TMTC2: variants seen among roughly 807,000 people sequenced by gnomAD.
The protein encoded by TMTC2 is transmembrane O-mannosyltransferase targeting cadherins 2, also known as protein O-mannosyl-transferase TMTC2.
A neutral mutation model predicts 82.4 loss-of-function variants in TMTC2; 43 were observed. The ratio of observed to expected loss-of-function variants is 0.52; its 90% CI spans 0.41 to 0.67. TMTC2 has a LOEUF of 0.67. Ranked by LOEUF, TMTC2 falls within the 30% of genes least tolerant of loss-of-function variation. The pLI is 0.00. For synonymous variants in TMTC2, 408 were observed against 381.9 expected, an observed-to-expected ratio of 1.07 and a Z score of -0.80; for missense variants, 919 against 1,012.4, an observed-to-expected ratio of 0.91 and a Z score of 1.25.
At chr12:82,956,407 A>G (rs1877618535) in intron 4 of TMTC2, among the ~76,000 whole-genome samples, 1 of 152,120 alleles carries the variant, frequency 6.6e-6, no homozygotes, top group South Asian at 2.1e-4. Context: ...CAGACAGAAA[A>G]CAAAAAAGAG....
chr12:82,991,858 C>A (rs1418350560), intron 8 of TMTC2, among the ~76,000 whole-genome samples: 1 of 152,168 alleles, frequency 6.6e-6, no homozygotes, highest in Non-Finnish European at 1.5e-5. Context: ...GTTGTGTGCG[C>A]ATGCTTACTT....
rs149658948 is a variant in TMTC2, at chr12:83,124,226, C to T, written c.2332-7984C>T. Among the ~76,000 whole-genome samples the T allele has an allele frequency of 6.2e-4, 94 of 152,296 alleles. 2 individuals carry two copies. The East Asian group carries it at 0.013, about 22-fold the overall frequency. On this transcript the variant is annotated intron_variant, in intron 11 of 11. Transcript: ENST00000321196. Reference sequence around the variant, plus strand: ...TGTTCACTGCGTATCCATTGTCTGGCCGAGCACATATAATAAGTGGTCAAT... The same window carrying T: ...TGTTCACTGCGTATCCATTGTCTGGTCGAGCACATATAATAAGTGGTCAAT...
chr12:82,735,642 GC>G (rs1875075554), intron 1 of TMTC2, among the ~76,000 whole-genome samples: 1 of 142,178 alleles, frequency 7.0e-6, no homozygotes, highest in Non-Finnish European at 1.5e-5. Context: ...ACCGCACCCA[GC>G]CCCCCTAATT....
intron 8 of TMTC2, among the ~76,000 whole-genome samples, chr12:83,017,813 GAAA>G (rs5799609): frequency 7.0e-6 from 1 of 142,498 alleles, no homozygotes. Context: ...ATTTATAACT[GAAA>G]AAAAAAAAAA....
intron 1 of TMTC2, among the ~76,000 whole-genome samples, chr12:82,691,019 G>A (rs540184178): frequency 2.0e-5 from 3 of 152,138 alleles, no homozygotes; most frequent in East Asian, 3.9e-4. Context: ...AGCAGACAAA[G>A]GTAAACAAAC....
chr12:82,798,204 C>T lies in TMTC2; in HGVS notation c.84-58806C>T, dbSNP rs535696852. Among the ~76,000 whole-genome samples the T allele has an allele frequency of 3.6e-4, 54 of 150,384 alleles. 1 individual carries two copies. Among genetic ancestry groups the T allele is most frequent in the Non-Finnish European group, 6.7e-4 (45 of 67,548 alleles). On this transcript the variant is annotated intron_variant, in intron 1 of 11. Coordinates refer to ENST00000321196, the MANE Select transcript of TMTC2 (RefSeq NM_152588.3). ...TCTCCTGACCTCGTGATCCACCTGC[C>T]TCAGCCTCCCAAAGTGCTGGGATTA...
intron 4 of TMTC2, among the ~76,000 whole-genome samples, chr12:82,955,817 G>A (rs187888135): frequency 1.1e-3 from 169 of 152,058 alleles, no homozygotes; most frequent in African/African-American, 4.0e-3. Context: ...CATTAGAGGA[G>A]AAATCTGAGA....
intron 1 of TMTC2, among the ~76,000 whole-genome samples, chr12:82,845,866 T>C (rs998257319): frequency 6.6e-6 from 1 of 152,008 alleles, no homozygotes. Flanking sequence ...TCTAGGTAAC[T>C]CAAGTTTTAA....
Position 82,900,887 on chromosome 12 carries a change from A to G in TMTC2, c.1483+4241A>G, listed in dbSNP as rs571252611. Among the ~76,000 whole-genome samples, 147 of 124,834 alleles carry G rather than the reference A, an allele frequency of 1.2e-3. 2 individuals carry two copies. The highest frequency in any genetic ancestry group is 1.7e-3 in the Admixed American group (19 of 10,938). The allele number at this position is 124,834 out of a possible 152,430, so 81.9% of individuals were successfully genotyped here. ...AATATATATATATAGGAATATATAT[A>G]CCTGGAATATATATATAGGAATATA... is the stretch of plus-strand genomic sequence containing the variant. On this transcript the variant is annotated intron_variant, in intron 3 of 11. Transcript: ENST00000321196.
chr12:83,073,506 G>A (rs141165796), intron 11 of TMTC2, among the ~76,000 whole-genome samples: 2 of 152,218 alleles, frequency 1.3e-5, no homozygotes, highest in African/African-American at 4.8e-5. Context: ...TGTGTTTCTT[G>A]TATTTGAATG....
At chr12:82,894,429 A>G (rs1187684663) in intron 2 of TMTC2, among the ~76,000 whole-genome samples, 1 of 152,220 alleles carries the variant, frequency 6.6e-6, no homozygotes, top group Non-Finnish European at 1.5e-5. Context: ...CATTGTTTTC[A>G]TAGAAGTTGT....
At chr12:82,872,012 C>CA (rs923642461) in intron 2 of TMTC2, among the ~76,000 whole-genome samples, 1 of 138,826 alleles carries the variant, frequency 7.2e-6, no homozygotes, top group Admixed American at 7.2e-5. Context: ...AACACCCCCC[C>CA]CCCCGCCCAC....
At chr12:82,811,356 G>A (rs1433187408) in intron 1 of TMTC2, among the ~76,000 whole-genome samples, 1 of 152,092 alleles carries the variant, frequency 6.6e-6, no homozygotes, top group African/African-American at 2.4e-5. Flanking sequence ...TGATTGTGCT[G>A]CAGAAAGATC....
At chr12:82,771,974 G>A (rs142505153) in intron 1 of TMTC2, among the ~76,000 whole-genome samples, 15 of 152,282 alleles carry the variant, frequency 9.9e-5, no homozygotes, top group Non-Finnish European at 1.5e-4. Flanking sequence ...CTCGCAGATT[G>A]TCTCATTAAC....
chr12:83,060,993 T>C (rs141059208), intron 10 of TMTC2, among the ~76,000 whole-genome samples: 4 of 151,920 alleles, frequency 2.6e-5, no homozygotes, highest in Non-Finnish European at 5.9e-5. Flanking sequence ...CAGAATTCAC[T>C]GTAAGCTGGA....
At chr12:83,115,641 T>A (rs1447469031) in intron 11 of TMTC2, among the ~76,000 whole-genome samples, 1 of 84,998 alleles carries the variant, frequency 1.2e-5, no homozygotes, top group Non-Finnish European at 2.2e-5. Flanking sequence ...TTTCCTTTTT[T>A]TTATTATTTT....
intron 1 of TMTC2, among the ~76,000 whole-genome samples, chr12:82,710,984 C>T (rs1873592719): frequency 6.6e-6 from 1 of 152,194 alleles, no homozygotes; most frequent in South Asian, 2.1e-4. Context: ...ACCTACTGGA[C>T]AGATATTATG....
intron 1 of TMTC2, among the ~76,000 whole-genome samples, chr12:82,761,900 C>CTTTCTT (rs998034191): frequency 2.0e-5 from 3 of 150,684 alleles, no homozygotes; most frequent in Non-Finnish European, 3.0e-5. Flanking sequence ...CTCTTTCTTT[C>CTTTCTT]TTTCTTTTTC....
At chr12:83,129,354 T>C (rs1452098351) in intron 11 of TMTC2, among the ~76,000 whole-genome samples, 1 of 152,182 alleles carries the variant, frequency 6.6e-6, no homozygotes, top group Non-Finnish European at 1.5e-5. Flanking sequence ...GTGTGGATAA[T>C]GCAAAATTAA....
Sources: gnomAD v4.1 joint callset for allele counts (sites outside exome capture counted in the v4.1 genomes callset) on GRCh38, gnomAD v4.1.1 for gene constraint, MANE v1.5 for transcripts, NCBI Gene and HGNC (gene_info 2026-07-23, HGNC 2026-07-21) for gene names.